SLC40A1: variants seen among roughly 807,000 people sequenced by gnomAD.
SLC40A1 encodes ferroportin.
Under a neutral mutation model 53.5 loss-of-function variants are expected in SLC40A1, and 16 were observed. The ratio of observed to expected loss-of-function variants is 0.30; its 90% CI spans 0.20 to 0.45. The LOEUF (loss-of-function observed/expected upper bound fraction) is 0.45. SLC40A1 is among the 20% of genes least tolerant of loss of function. The pLI, the probability that SLC40A1 is intolerant of heterozygous loss-of-function variation, is 1.00. For missense variants in SLC40A1, 545 were observed against 695.4 expected, an observed-to-expected ratio of 0.78 and a Z score of 2.43; for synonymous variants, 247 against 253.2, an observed-to-expected ratio of 0.98 and a Z score of 0.23.
chr2:189,575,815 C>A (rs1167990314), intron 2 of SLC40A1, among the ~76,000 whole-genome samples: 1 of 152,166 alleles, frequency 6.6e-6, no homozygotes, highest in Non-Finnish European at 1.5e-5. Flanking sequence ...ACCATATGAT[C>A]TCCAAGTTTT....
At chr2:189,576,509 A>G (rs1226339290) in intron 2 of SLC40A1, among the ~76,000 whole-genome samples, 4 of 152,222 alleles carry the variant, frequency 2.6e-5, no homozygotes, top group Admixed American at 6.5e-5. Flanking sequence ...ACTAGAGATG[A>G]CTTTGCTTCT....
chr2:189,576,916 T>C lies in SLC40A1; in HGVS notation c.112-1596A>G, dbSNP rs114233601. Among the ~76,000 whole-genome samples, 1,255 of 152,364 alleles carry C rather than the reference T, an allele frequency of 8.2e-3. 15 individuals are homozygous for C. The highest frequency in any genetic ancestry group is 0.028 in the African/African-American group (1,177 of 41,582). ...CAAATGCTATTAAAGTTTTGAATCT[T>C]GCTTTTTCTTGCATGCCATACCACC... On this transcript the variant is annotated intron_variant, in intron 2 of 7. Transcript: ENST00000261024.
At chr2:189,574,496 T>G (rs1013639476) in intron 3 of SLC40A1, among the ~76,000 whole-genome samples, 1 of 152,222 alleles carries the variant, frequency 6.6e-6, no homozygotes, top group African/African-American at 2.4e-5. Flanking sequence ...GTCTTGGCAT[T>G]ATCAACTGAG....
chr2:189,563,867 A>T lies in SLC40A1; in HGVS notation c.1119T>A (p.Gly373=), dbSNP rs767933590. 6.8e-6 allele frequency: 11 copies of T among 1,614,104 alleles called. No homozygotes were observed. The Middle Eastern group carries it at 4.9e-4, about 72-fold the overall frequency. Reference sequence around the variant, plus strand: ...AAAGCTGTGCCAATCCTGAGATCAGACCTGTCCGAACCAAACCACATTTTC... The same window carrying T: ...AAAGCTGTGCCAATCCTGAGATCAGTCCTGTCCGAACCAAACCACATTTTC... ...LRRKCGLVRT[G]LISGLAQLSC... Residue 373 remains glycine, a synonymous_variant, in exon 7 of 8, where the codon GGT becomes GGA. Coordinates refer to ENST00000261024, the MANE Select transcript of SLC40A1 (RefSeq NM_014585.6).
chr2:189,567,451 T>C (rs1342466156), intron 5 of SLC40A1, among the ~76,000 whole-genome samples: 2 of 152,180 alleles, frequency 1.3e-5, no homozygotes. Context: ...AACATGACTA[T>C]GTACTCCATA....
At chr2:189,566,691 G>A (rs10169961) in intron 5 of SLC40A1, among the ~76,000 whole-genome samples, 4,271 of 152,258 alleles carry the variant, frequency 0.028, 226 homozygotes, top group African/African-American at 0.097. Context: ...CAGGTAGGAA[G>A]AGAGACATGA....
chr2:189,570,262 T>C (rs1056425749), intron 5 of SLC40A1, among the ~76,000 whole-genome samples: 3 of 152,086 alleles, frequency 2.0e-5, no homozygotes, highest in Non-Finnish European at 4.4e-5. Flanking sequence ...ATTTTATCTA[T>C]AGCTGCTGCA....
At chr2:189,572,702 C>A in intron 4 of SLC40A1, 144 bp downstream of exon 4, 1 of 681,438 alleles carries the variant, frequency 1.5e-6, no homozygotes, top group Non-Finnish European at 2.6e-6. Context: ...ACAAAACAAA[C>A]TATAGGGGAT....
intron 6 of SLC40A1, among the ~76,000 whole-genome samples, chr2:189,565,109 T>A (rs1303254141): frequency 1.3e-5 from 2 of 152,132 alleles, no homozygotes; most frequent in Non-Finnish European, 2.9e-5. Flanking sequence ...TGAACCTCTA[T>A]AACTACTGCT....
Position 189,564,207 on chromosome 2 carries a change from A to G in SLC40A1, c.779T>C (p.Leu260Pro), listed in dbSNP as rs371014218. 2.5e-6 allele frequency: 4 copies of G among 1,613,992 alleles called. No homozygotes were observed. The highest frequency in any genetic ancestry group is 3.4e-6 in the Non-Finnish European group (4 of 1,179,970). The part of the protein sequence containing the change: ...NLHKDTEPKP[L>P]EGTHLMGVKD... ...CACACCCATTAGATGAGTTCCCTCC[A>G]GGGGTTTTGGCTCAGTATCTGTTAA... Residue 260 changes from leucine (L) to proline (P), a missense_variant, in exon 7 of 8, where the codon CTG becomes CCG. This residue lies in a region of SLC40A1 where 107 missense variants were observed against 91.0 expected (regional missense o/e 1.18). Transcript: ENST00000261024.
intron 2 of SLC40A1, chr2:189,578,361 G>A (rs768299761): frequency 1.2e-5 from 12 of 1,002,428 alleles, no homozygotes; most frequent in East Asian, 1.1e-4. Flanking sequence ...TTACTGTAAA[G>A]TTGGGATAAG....
chr2:189,570,775 T>C (rs2031101790), intron 5 of SLC40A1, among the ~76,000 whole-genome samples: 1 of 152,216 alleles, frequency 6.6e-6, no homozygotes, highest in African/African-American at 2.4e-5. Context: ...CAAACAAAGC[T>C]GCTTGCTAAC....
At chr2:189,573,901 C>A (rs1254140809) in intron 3 of SLC40A1, among the ~76,000 whole-genome samples, 5 of 152,156 alleles carry the variant, frequency 3.3e-5, no homozygotes, top group African/African-American at 1.2e-4. Flanking sequence ...TTCACTCATG[C>A]ATTCATTCAC....
rs777037632 is a variant in SLC40A1 at position 189,562,001 on chromosome 2, C to T, written c.1593G>A (p.Val531=). 1.2e-6 allele frequency: 2 copies of T among 1,614,056 alleles called. No homozygotes were observed. Among genetic ancestry groups the T allele is most frequent in the Admixed American group, 3.3e-5 (2 of 60,020 alleles). Residue 531 remains valine, a synonymous_variant, in exon 8 of 8, where the codon GTG becomes GTA. Transcript: ENST00000261024. The stretch of plus-strand genomic sequence containing the variant: ...GGAAATACATAATGTGGCCCATTGC[C>T]ACAAAGGAGACTGAAATCAATACGA... ...GLLVLISVSF[V]AMGHIMYFRF...
Position 189,580,741 on chromosome 2 carries a change from G to C in SLC40A1, c.-281C>G. ...TTGGGAGGCTCAGCAGGTCGTCCGA[G>C]CCTAGCGGACGCCCTGAGCCAGCTC... On this transcript the variant is annotated 5_prime_UTR_variant, in exon 1 of 8. Coordinates refer to ENST00000261024, the MANE Select transcript of SLC40A1 (RefSeq NM_014585.6). The C allele has an allele frequency of 3.7e-6, 5 of 1,348,666 alleles. No homozygotes were observed. Among genetic ancestry groups the C allele is most frequent in the South Asian group, 1.5e-5 (1 of 66,920 alleles). 83.5% of individuals were successfully genotyped at this position (1,348,666 alleles called of 1,614,324 possible). A position where few individuals can be genotyped will look rare whatever the true frequency, so the allele number is the denominator to read the frequency against.
chr2:189,579,797 A>G lies in SLC40A1; in HGVS notation c.111+16T>C, dbSNP rs892326332. On this transcript the variant is annotated intron_variant, in intron 2 of 7. Transcript: ENST00000261024. ...AATTGCGCAACTGTGTTGTAAGACT[A>G]TGCATTCTCACTTACCCAAGTAGAG... 4 of 1,608,384 alleles carry G rather than the reference A, an allele frequency of 2.5e-6. No homozygotes were observed. The African/African-American group carries it at 5.3e-5, about 22-fold the overall frequency.
In SLC40A1 at chr2:189,564,100, G is replaced by C. The variant is rs773607778; in HGVS notation, c.886C>G (p.Arg296Gly). The change falls in exon 7 of 8, where the codon CGA (arginine) becomes GGA (glycine). Residue 296 changes from arginine to glycine, a missense_variant. This residue lies in a region of SLC40A1 where 107 missense variants were observed against 91.0 expected (regional missense o/e 1.18). Coordinates refer to ENST00000261024, the MANE Select transcript of SLC40A1 (RefSeq NM_014585.6). Reference protein sequence around the residue: ...SQMAEPFRTFRDGWVSYYNQP... With the variant: ...SQMAEPFRTFGDGWVSYYNQP... ...TTGTAGTAGGAGACCCATCCATCTC[G>C]GAAGGTACGGAAGGGCTCAGCCATC... The C allele has an allele frequency of 8.7e-6, 14 of 1,608,702 alleles. No homozygotes were observed. Among genetic ancestry groups the C allele is most frequent in the East Asian group, 2.2e-5 (1 of 44,806 alleles).
In SLC40A1 at chr2:189,563,620, T is replaced by C; in HGVS notation, c.1366A>G (p.Ser456Gly). ...GCAATGACGCCTGCAAACAGCAGAC[T>C]GACAGAGATTATGGGCACAGATTCA... ...SPESVPIISVSLLFAGVIAAR... is the reference protein window; with the variant it reads ...SPESVPIISVGLLFAGVIAAR... The change falls in exon 7 of 8, where the codon AGT becomes GGT. Residue 456 changes from serine to glycine, a missense_variant. Around this residue, in one of 4 missense-constraint regions of SLC40A1, gnomAD observed 234 missense variants for 299.0 expected, o/e 0.78. Coordinates refer to ENST00000261024, the MANE Select transcript of SLC40A1 (RefSeq NM_014585.6). 1 of 1,614,068 alleles carries C rather than the reference T, an allele frequency of 6.2e-7. No homozygotes were observed. The highest frequency in any genetic ancestry group is 2.2e-5 in the East Asian group (1 of 44,900).
intron 6 of SLC40A1, 140 bp from the exon 7 acceptor site, chr2:189,564,365 C>T (rs2030859659): frequency 3.1e-6 from 2 of 650,716 alleles, no homozygotes; most frequent in South Asian, 4.0e-5. Flanking sequence ...TTTTCTTTTA[C>T]TAATAATCTA....
Sources: allele counts gnomAD v4.1 joint callset (sites outside exome capture counted in the v4.1 genomes callset), GRCh38; gene constraint gnomAD v4.1.1; regional missense constraint gnomAD v4.1.1; transcripts MANE v1.5; gene names NCBI Gene and HGNC (gene_info 2026-07-23, HGNC 2026-07-21).